The following ZNF81 variants were observed in gnomAD, a reference collection of about 807,000 sequenced individuals.
The protein encoded by ZNF81 is zinc finger protein 81.
In ZNF81, 5 loss-of-function variants were observed where a neutral mutation model predicts 32.3. That is an observed-to-expected ratio of 0.15 (90% CI 0.08 to 0.33). The LOEUF (loss-of-function observed/expected upper bound fraction) is 0.33. Ranked by LOEUF, ZNF81 falls within the 10% of genes least tolerant of loss-of-function variation. The pLI is 1.00. For synonymous variants in ZNF81, 163 were observed against 166.8 expected, an observed-to-expected ratio of 0.98 and a Z score of 0.17; for missense variants, 379 against 479.8, an observed-to-expected ratio of 0.79 and a Z score of 1.96.
chrX:47,848,920 A>G (rs782469750), intron 2 of ZNF81, among the ~76,000 whole-genome samples: 2 of 112,202 alleles, frequency 1.8e-5, no homozygotes, highest in South Asian at 7.4e-4. Flanking sequence ...TCTCTAATAC[A>G]TAAAACCAGG....
At chrX:47,847,918 AT>A (rs58155003) in intron 2 of ZNF81, among the ~76,000 whole-genome samples, 89 of 99,940 alleles carry the variant, frequency 8.9e-4, no homozygotes, top group South Asian at 4.6e-3. Flanking sequence ...ATTAGAAATA[AT>A]TTTTTTTTTT....
chrX:47,859,452 C>T lies in ZNF81; in HGVS notation c.54+13131C>T, dbSNP rs1415371573. ...CTTCATTTTGTTTACTGGCCATAAT[C>T]CTTTCTTTGTTCCTACCTGTTTTGA... On this transcript the variant is annotated intron_variant, in intron 2 of 4. Transcript: ENST00000338637. Among the ~76,000 whole-genome samples, 5 of 111,535 alleles carry T rather than the reference C, an allele frequency of 4.5e-5. No homozygotes were observed. The East Asian group carries it at 1.4e-3, about 31-fold the overall frequency.
At chrX:47,848,222 C>G (rs782206805) in intron 2 of ZNF81, among the ~76,000 whole-genome samples, 27 of 112,050 alleles carry the variant, frequency 2.4e-4, no homozygotes, top group South Asian at 7.4e-4. Flanking sequence ...GCCTAGAAAT[C>G]ATTTTTATGC....
At chrX:47,911,345 T>C (rs782157812) in intron 4 of ZNF81, among the ~76,000 whole-genome samples, 3 of 111,554 alleles carry the variant, frequency 2.7e-5, no homozygotes, top group East Asian at 2.8e-4. Flanking sequence ...ATTTTCCTTT[T>C]GTGTTCAGGC....
chrX:47,868,581 T>TG (rs1256969702), intron 2 of ZNF81, among the ~76,000 whole-genome samples: 1 of 111,340 alleles, frequency 9.0e-6, no homozygotes, highest in African/African-American at 3.3e-5. Flanking sequence ...GAGCTCCCCT[T>TG]GCTTTAAAAT....
intron 2 of ZNF81, among the ~76,000 whole-genome samples, chrX:47,884,550 A>G (rs1369279975): frequency 9.0e-6 from 1 of 111,556 alleles, no homozygotes; most frequent in African/African-American, 3.3e-5. Flanking sequence ...TGTTGTGCTG[A>G]GTGATTCAGT....
At chrX:47,867,230 A>G (rs1390603992) in intron 2 of ZNF81, among the ~76,000 whole-genome samples, 1 of 111,842 alleles carries the variant, frequency 8.9e-6, no homozygotes, top group Non-Finnish European at 1.9e-5. Context: ...AAACCTGCAC[A>G]TCCTGCACAG....
chrX:47,887,937 C>T, intron 2 of ZNF81, 62 bp from the exon 3 acceptor site: 2 of 1,199,571 alleles, frequency 1.7e-6, no homozygotes, highest in Non-Finnish European at 2.3e-6. Context: ...AGCTTCCTAT[C>T]TGTTTTCTCT....
chrX:47,882,033 G>C (rs1358830208), intron 2 of ZNF81, among the ~76,000 whole-genome samples: 3 of 111,408 alleles, frequency 2.7e-5, no homozygotes, highest in Non-Finnish European at 5.7e-5. Context: ...CAAAGTGCTG[G>C]GATTATAGGC....
At chrX:47,840,127 CTTTTTT>C (rs34211141) in intron 1 of ZNF81, among the ~76,000 whole-genome samples, 1 of 82,850 alleles carries the variant, frequency 1.2e-5, no homozygotes, top group African/African-American at 4.6e-5. Flanking sequence ...TCTTCTCTCT[CTTTTTT>C]TTTTTTTTTT....
chrX:47,844,186 T>G (rs1311092142), intron 1 of ZNF81, among the ~76,000 whole-genome samples: 1 of 112,546 alleles, frequency 8.9e-6, no homozygotes, highest in African/African-American at 3.2e-5. Flanking sequence ...ACCATAAAAT[T>G]CACCCACTTA....
intron 3 of ZNF81, among the ~76,000 whole-genome samples, chrX:47,894,218 G>A (rs1479032713): frequency 9.0e-6 from 1 of 111,343 alleles, no homozygotes; most frequent in Non-Finnish European, 1.9e-5. Context: ...AAGGGGGATT[G>A]TTACTAAACT....
intron 2 of ZNF81, among the ~76,000 whole-genome samples, chrX:47,872,843 G>T (rs1266302730): frequency 9.0e-6 from 1 of 111,621 alleles, no homozygotes; most frequent in East Asian, 2.8e-4. Context: ...AAAGGTTATT[G>T]TGTTATACAT....
intron 4 of ZNF81, among the ~76,000 whole-genome samples, chrX:47,912,037 C>T (rs1295590158): frequency 4.7e-5 from 5 of 106,939 alleles, no homozygotes; most frequent in East Asian, 2.8e-4. Context: ...TCTTCATTTA[C>T]GTACTCTTCA....
rs189835360 is a variant in ZNF81, at chrX:47,915,063, A to G, written c.417A>G (p.Ile139Met). The G allele has an allele frequency of 2.6e-4, 317 of 1,207,614 alleles. 1 individual carries two copies. In the African/African-American group the frequency reaches 4.4e-3, roughly 17 times the overall value. ...LEELWQDAEQ[I>M]KRCQEKHNKL... is the part of the protein sequence containing the mutation. ...AATTGTGGCAAGATGCTGAACAGAT[A>G]AAGAGATGTCAGGAAAAACACAACA... Residue 139 changes from isoleucine to methionine, a missense_variant, in exon 5 of 5, where the codon ATA becomes ATG. Ile to Met is a conservative substitution (Grantham distance 10, BLOSUM62 1). Transcript: ENST00000338637.
intron 2 of ZNF81, among the ~76,000 whole-genome samples, chrX:47,878,830 A>G (rs2058609934): frequency 8.9e-6 from 1 of 112,411 alleles, no homozygotes; most frequent in Admixed American, 9.4e-5. Context: ...ATAGTTCTGT[A>G]GTTCAGAAGT....
intron 2 of ZNF81, among the ~76,000 whole-genome samples, chrX:47,883,066 A>G (rs186079079): frequency 8.9e-6 from 1 of 112,853 alleles, no homozygotes; most frequent in Admixed American, 9.3e-5. Flanking sequence ...CATTCCTACC[A>G]GCAATTTTTG....
At chrX:47,866,439 T>A (rs909536715) in intron 2 of ZNF81, among the ~76,000 whole-genome samples, 68 of 111,978 alleles carry the variant, frequency 6.1e-4, no homozygotes, top group African/African-American at 2.2e-3. Flanking sequence ...GAAGGAAATC[T>A]CACCCTTGTA....
intron 2 of ZNF81, among the ~76,000 whole-genome samples, chrX:47,869,660 G>A (rs1354536421): frequency 1.9e-5 from 2 of 106,341 alleles, no homozygotes; most frequent in African/African-American, 7.3e-5. Flanking sequence ...GGATCCAACT[G>A]TATTTTTTGT....
Sources: gnomAD v4.1 joint callset for allele counts (sites outside exome capture counted in the v4.1 genomes callset) on GRCh38, gnomAD v4.1.1 for gene constraint, MANE v1.5 for transcripts, NCBI Gene and HGNC (gene_info 2026-07-23, HGNC 2026-07-21) for gene names.